Variants in PDGFC observed in about 807,000 individuals in gnomAD.
The protein encoded by PDGFC is platelet-derived growth factor C.
A neutral mutation model predicts 35.5 loss-of-function variants in PDGFC; 12 were observed. The ratio of observed to expected loss-of-function variants is 0.34; its 90% CI spans 0.22 to 0.55. PDGFC has a LOEUF of 0.55. Among genes scored for constraint, PDGFC ranks in the 20% least tolerant of loss-of-function variants. The pLI is 0.91. For missense variants in PDGFC, 322 were observed against 412.4 expected (o/e 0.78, Z 1.90); for synonymous variants, 159 against 148.8 (o/e 1.07, Z -0.50).
At chr4:156,808,680 A>T (rs1383341447) in intron 3 of PDGFC, among the ~76,000 whole-genome samples, 1 of 151,842 alleles carries the variant, frequency 6.6e-6, no homozygotes, top group African/African-American at 2.4e-5. Context: ...GGAGGGGTGT[A>T]ATTTAGGAGT....
intron 3 of PDGFC, among the ~76,000 whole-genome samples, chr4:156,810,400 C>T (rs1035352512): frequency 6.6e-6 from 1 of 151,858 alleles, no homozygotes; most frequent in African/African-American, 2.4e-5. Flanking sequence ...TAACATACTT[C>T]AGAGATTTCT....
At chr4:156,823,720 G>C (rs1017969157) in intron 2 of PDGFC, among the ~76,000 whole-genome samples, 3 of 152,072 alleles carry the variant, frequency 2.0e-5, no homozygotes, top group African/African-American at 7.2e-5. Flanking sequence ...ATATGACCCA[G>C]CAATACCACT....
intron 1 of PDGFC, among the ~76,000 whole-genome samples, chr4:156,902,640 T>A (rs1415381759): frequency 6.6e-6 from 1 of 152,208 alleles, no homozygotes; most frequent in Non-Finnish European, 1.5e-5. Context: ...TTTTTATCAT[T>A]ACTGAATAGT....
chr4:156,908,405 ATATT>A (rs1730967045), intron 1 of PDGFC, among the ~76,000 whole-genome samples: 1 of 152,142 alleles, frequency 6.6e-6, no homozygotes, highest in Non-Finnish European at 1.5e-5. Flanking sequence ...AAATAAATAA[ATATT>A]TATTTCAATC....
intron 1 of PDGFC, among the ~76,000 whole-genome samples, chr4:156,929,274 A>G (rs1022745753): frequency 2.6e-5 from 4 of 152,224 alleles, no homozygotes; most frequent in South Asian, 2.1e-4. Flanking sequence ...AAGTATCTAC[A>G]TATTTGTAAA....
At chr4:156,827,597 G>A (rs77716454) in intron 2 of PDGFC, among the ~76,000 whole-genome samples, 8,997 of 151,730 alleles carry the variant, frequency 0.059, 865 homozygotes, top group African/African-American at 0.21. Context: ...ATGGTCCTGT[G>A]GACCATTTTT....
At chr4:156,826,518 A>G (rs2111005622) in intron 2 of PDGFC, among the ~76,000 whole-genome samples, 1 of 152,204 alleles carries the variant, frequency 6.6e-6, no homozygotes, top group South Asian at 2.1e-4. Context: ...TGGTGACTGT[A>G]AAGGAAATTA....
In PDGFC at chr4:156,865,186, GCA is replaced by G. The variant is rs34323245; in HGVS notation, c.119-14772_119-14771del. 5.5e-3 allele frequency among the ~76,000 whole-genome samples: 805 copies of G among 146,446 alleles called. 5 individuals carry two copies. The highest frequency in any genetic ancestry group is 0.02 in the Admixed American group (289 of 14,584). ...CACTTTAGGATTAGAAGATACATGT[GCA>G]CACACACACACACACACACACACAC... On this transcript the variant is annotated intron_variant, in intron 1 of 5. Coordinates refer to ENST00000502773, the MANE Select transcript of PDGFC (RefSeq NM_016205.3).
chr4:156,950,962 A>C (rs1732066158), intron 1 of PDGFC, among the ~76,000 whole-genome samples: 1 of 151,886 alleles, frequency 6.6e-6, no homozygotes, highest in South Asian at 2.1e-4. Flanking sequence ...GCCCTGATCT[A>C]GGCGCTATGG....
intron 1 of PDGFC, among the ~76,000 whole-genome samples, chr4:156,924,756 C>T (rs1731366456): frequency 6.6e-6 from 1 of 152,158 alleles, no homozygotes. Flanking sequence ...GAGCTATGCA[C>T]CTAAGGGGTG....
intron 3 of PDGFC, among the ~76,000 whole-genome samples, chr4:156,788,181 C>G (rs1227299204): frequency 6.6e-6 from 1 of 151,902 alleles, no homozygotes; most frequent in African/African-American, 2.4e-5. Context: ...AGAAGTCAAA[C>G]TAAGCAAATG....
At position 156,793,175 on chromosome 4, in the gene PDGFC, T is replaced by A. The variant is rs534249501; in HGVS notation, c.495+17662A>T. 1.7e-4 allele frequency among the ~76,000 whole-genome samples: 26 copies of A among 152,006 alleles called. No homozygotes were observed. In the South Asian group the frequency reaches 5.4e-3, roughly 32 times the overall value. ...ATCAAGCACAAATTCTTAAAAGGAGTCAAATGTTGATAGAAGACTTTAAAA... is the reference window on the plus strand; with the variant it reads ...ATCAAGCACAAATTCTTAAAAGGAGACAAATGTTGATAGAAGACTTTAAAA... On this transcript the variant is annotated intron_variant, in intron 3 of 5. Transcript: ENST00000502773.
At chr4:156,855,167 A>G (rs187023451) in intron 1 of PDGFC, among the ~76,000 whole-genome samples, 119 of 152,236 alleles carry the variant, frequency 7.8e-4, no homozygotes, top group Admixed American at 1.2e-3. Flanking sequence ...AATCAAAGCA[A>G]TTCTATAATG....
rs576880088 is a variant in PDGFC at position 156,912,649 on chromosome 4, T to A, written c.118+58137A>T. Among the ~76,000 whole-genome samples, 3 of 152,284 alleles carry A rather than the reference T, an allele frequency of 2.0e-5. No homozygotes were observed. The South Asian group carries it at 6.2e-4, about 32-fold the overall frequency. On this transcript the variant is annotated intron_variant, in intron 1 of 5. Coordinates refer to ENST00000502773, the MANE Select transcript of PDGFC (RefSeq NM_016205.3). ...CACTATGAATTAAGCGGGTTTCCTA[T>A]GTCTACTTGAGATTTAAATACAATT...
At chr4:156,863,101 C>T (rs969183487) in intron 1 of PDGFC, among the ~76,000 whole-genome samples, 13 of 152,274 alleles carry the variant, frequency 8.5e-5, no homozygotes, top group African/African-American at 2.6e-4. Context: ...GTATCATGCA[C>T]ACTTAATTAT....
At chr4:156,775,102 T>G (rs17813472) in intron 3 of PDGFC, among the ~76,000 whole-genome samples, 21,687 of 152,116 alleles carry the variant, frequency 0.14, 2,075 homozygotes, top group Non-Finnish European at 0.21. Context: ...TACCCAGTGT[T>G]TTCTATAATT....
Position 156,772,771 on chromosome 4 carries a change from C to T in PDGFC, c.618G>A (p.Glu206=). ...LEDLIRYLEP[E]RWQLDLEDLY... is the part of the protein sequence containing the mutation. Reference sequence around the variant, plus strand: ...GATCTTCTAAGTCCAACTGCCATCTCTCTGGTTCAAGATATCGAATAAGGT... The same window carrying T: ...GATCTTCTAAGTCCAACTGCCATCTTTCTGGTTCAAGATATCGAATAAGGT... Residue 206 remains glutamate (E), a synonymous_variant, in exon 4 of 6, where the codon GAG becomes GAA. Transcript: ENST00000502773. 1 of 1,613,356 alleles carries T rather than the reference C, an allele frequency of 6.2e-7. No homozygotes were observed. Among genetic ancestry groups the T allele is most frequent in the Non-Finnish European group, 8.5e-7 (1 of 1,179,420 alleles).
chr4:156,914,071 A>C (rs1025775274), intron 1 of PDGFC, among the ~76,000 whole-genome samples: 2 of 151,970 alleles, frequency 1.3e-5, no homozygotes, highest in African/African-American at 2.4e-5. Flanking sequence ...CTGGAATTAC[A>C]ATGATCAATT....
intron 2 of PDGFC, among the ~76,000 whole-genome samples, chr4:156,837,689 A>G (rs1357684372): frequency 6.6e-6 from 1 of 152,164 alleles, no homozygotes; most frequent in Non-Finnish European, 1.5e-5. Context: ...TCTTTGTGCA[A>G]TATCAAACAG....
Sources: gnomAD v4.1 joint callset for allele counts (sites outside exome capture counted in the v4.1 genomes callset) on GRCh38, gnomAD v4.1.1 for gene constraint, MANE v1.5 for transcripts, NCBI Gene and HGNC (gene_info 2026-07-23, HGNC 2026-07-21) for gene names.